Variants in KIF21A observed in about 807,000 individuals in gnomAD.
KIF21A encodes kinesin-like protein KIF21A.
Under a neutral mutation model 202.9 loss-of-function variants are expected in KIF21A, and 114 were observed. The observed-to-expected ratio is 0.56, with a 90% confidence interval of 0.48 to 0.66. KIF21A has a LOEUF of 0.66. Ranked by LOEUF, KIF21A falls within the 30% of genes least tolerant of loss-of-function variation. The pLI is 0.00. For missense variants in KIF21A, 1,677 were observed against 1,994.9 expected, an observed-to-expected ratio of 0.84 and a Z score of 3.04; for synonymous variants, 667 against 670.8, an observed-to-expected ratio of 0.99 and a Z score of 0.09.
Position 39,309,608 on chromosome 12 carries a change from C to T in KIF21A, c.4255G>A (p.Ala1419Thr), listed in dbSNP as rs974476147. The T allele has an allele frequency of 3.1e-6, 5 of 1,611,520 alleles. No individual in the cohort carries two copies. Among genetic ancestry groups the T allele is most frequent in the Non-Finnish European group, 4.2e-6 (5 of 1,179,216 alleles). Residue 1419 changes from alanine (A) to threonine (T), a missense_variant, in exon 33 of 38, where the codon GCA (alanine) becomes ACA (threonine). Around this residue, in one of 3 missense-constraint regions of KIF21A, gnomAD observed 705 missense variants for 791.9 expected, o/e 0.89. Coordinates refer to ENST00000361418, the MANE Select transcript of KIF21A (RefSeq NM_001173464.2). ...TACGTTAGTGTTCGAATGCACTTTGCTGAATCTCTGATATCCCACACCTTA... is the reference window on the plus strand; with the variant it reads ...TACGTTAGTGTTCGAATGCACTTTGTTGAATCTCTGATATCCCACACCTTA... The part of the protein sequence containing the change: ...YIKVWDIRDS[A>T]KCIRTLTSSG...
chr12:39,404,408 C>T (rs1057260653), intron 1 of KIF21A, among the ~76,000 whole-genome samples: 1 of 152,154 alleles, frequency 6.6e-6, no homozygotes, highest in Non-Finnish European at 1.5e-5. Context: ...ATAATTACTG[C>T]ATTTTCCAGC....
chr12:39,336,524 G>T (rs1416863643), intron 17 of KIF21A, among the ~76,000 whole-genome samples: 1 of 152,042 alleles, frequency 6.6e-6, no homozygotes, highest in Non-Finnish European at 1.5e-5. Flanking sequence ...CCTACTGTCA[G>T]GGATCTTGGT....
intron 24 of KIF21A, among the ~76,000 whole-genome samples, chr12:39,329,339 A>G (rs1946284706): frequency 6.6e-6 from 1 of 152,186 alleles, no homozygotes; most frequent in Non-Finnish European, 1.5e-5. Flanking sequence ...CAAATTAGCA[A>G]TTTAATATTC....
chr12:39,363,140 G>A lies in KIF21A; in HGVS notation c.977C>T (p.Ser326Phe). The A allele has an allele frequency of 6.2e-7, 1 of 1,613,244 alleles. No homozygotes were observed. The highest frequency in any genetic ancestry group is 8.5e-7 in the Non-Finnish European group (1 of 1,179,402). The change falls in exon 7 of 38, where the codon TCC becomes TTC. Residue 326 changes from serine to phenylalanine, a missense_variant. This residue lies in a region of KIF21A where 966 missense variants were observed against 1,180.9 expected (regional missense o/e 0.82). Transcript: ENST00000361418. ...KRATHVPYRD[S>F]KLTRLLQDSL... The stretch of plus-strand genomic sequence containing the variant: ...ATCCTGTAGTAGTCTTGTTAGCTTG[G>A]AATCTCTATAGGGGACATGTGTGGC...
chr12:39,335,708 A>C (rs1946905751), intron 17 of KIF21A, among the ~76,000 whole-genome samples: 1 of 152,232 alleles, frequency 6.6e-6, no homozygotes, highest in African/African-American at 2.4e-5. Flanking sequence ...AATAACAAAA[A>C]AAGAATAGGC....
At chr12:39,429,255 CAG>C in intron 1 of KIF21A, among the ~76,000 whole-genome samples, 1 of 152,266 alleles carries the variant, frequency 6.6e-6, no homozygotes, top group South Asian at 2.1e-4. Context: ...CACATACCAA[CAG>C]AGAACAAAGA....
At chr12:39,298,606 G>A (rs1216065890) in intron 37 of KIF21A, among the ~76,000 whole-genome samples, 1 of 152,092 alleles carries the variant, frequency 6.6e-6, no homozygotes, top group Non-Finnish European at 1.5e-5. Context: ...TTAAAAACAA[G>A]TGTTAAAAAC....
At position 39,442,960 on chromosome 12, in the gene KIF21A, G is replaced by A. The variant is rs901772088; in HGVS notation, c.11C>T (p.Ala4Val). MLG[A>V]PDESSVRVAV... ...CACCCGCACGGAGCTCTCGTCCGGG[G>A]CGCCCAACATGCTGGCGGCGGGCAG... The change falls in exon 1 of 38, where the codon GCC becomes GTC. Residue 4 changes from alanine to valine, a missense_variant. Ala to Val is a moderately conservative substitution (Grantham distance 64, BLOSUM62 0). Around this residue, in one of 3 missense-constraint regions of KIF21A, gnomAD observed 966 missense variants for 1,180.9 expected, o/e 0.82. Transcript: ENST00000361418. The surrounding 1 kb of genome is among the most constrained non-coding windows in gnomAD (Gnocchi z 5.0). 5 of 1,522,598 alleles carry A rather than the reference G, an allele frequency of 3.3e-6. No homozygotes were observed. The African/African-American group carries it at 4.3e-5, about 13-fold the overall frequency. 94.3% of individuals were successfully genotyped at this position (1,522,598 alleles called of 1,614,324 possible). A position where few individuals can be genotyped will look rare whatever the true frequency, so the allele number is the denominator to read the frequency against.
At chr12:39,413,835 A>G (rs1246962165) in intron 1 of KIF21A, among the ~76,000 whole-genome samples, 1 of 152,192 alleles carries the variant, frequency 6.6e-6, no homozygotes, top group Non-Finnish European at 1.5e-5. Context: ...CCATAATAAG[A>G]TGACCATCAA....
At chr12:39,315,811 T>C (rs773114487) in intron 30 of KIF21A, 121 bp downstream of exon 30, 2 of 788,586 alleles carry the variant, frequency 2.5e-6, no homozygotes, top group Admixed American at 1.7e-5. Context: ...TATTAGTGCA[T>C]TTATATGATT....
chr12:39,398,809 T>G (rs1042703842), intron 1 of KIF21A, among the ~76,000 whole-genome samples: 3 of 152,146 alleles, frequency 2.0e-5, no homozygotes, highest in African/African-American at 7.2e-5. Flanking sequence ...AAAGGGAAAT[T>G]CAGTCAGCCC....
chr12:39,357,717 C>G (rs1171755322), intron 8 of KIF21A, among the ~76,000 whole-genome samples: 1 of 151,540 alleles, frequency 6.6e-6, no homozygotes, highest in Non-Finnish European at 1.5e-5. Flanking sequence ...CAAGACCAGC[C>G]TGGCCAACGT....
intron 10 of KIF21A, among the ~76,000 whole-genome samples, chr12:39,355,707 T>TATATATATATATATATATATATATATATA (rs1948718369): frequency 9.9e-6 from 1 of 101,238 alleles, no homozygotes; most frequent in Admixed American, 9.3e-5. Context: ...GCATGAACAA[T>TATATATATATATATATATATATATATATA]TATATATATA....
At chr12:39,359,476 A>G (rs976408565) in intron 7 of KIF21A, among the ~76,000 whole-genome samples, 7 of 152,230 alleles carry the variant, frequency 4.6e-5, no homozygotes, top group African/African-American at 7.2e-5. Flanking sequence ...CATACTTCTA[A>G]ACATATAACA....
At chr12:39,361,358 A>G (rs899932943) in intron 7 of KIF21A, among the ~76,000 whole-genome samples, 1 of 152,178 alleles carries the variant, frequency 6.6e-6, no homozygotes, top group Admixed American at 6.5e-5. Flanking sequence ...CTGAAGATCA[A>G]ACTGAAAATA....
At chr12:39,407,353 T>C (rs115713240) in intron 1 of KIF21A, among the ~76,000 whole-genome samples, 297 of 152,344 alleles carry the variant, frequency 1.9e-3, no homozygotes, top group African/African-American at 7.0e-3. Context: ...AATATCCTTT[T>C]TGACAATCTC....
chr12:39,346,384 T>C, intron 12 of KIF21A, 82 bp downstream of exon 12: 2 of 995,826 alleles, frequency 2.0e-6, no homozygotes, highest in East Asian at 3.0e-5. Context: ...AAACAATCTA[T>C]AATACTATAA....
At chr12:39,320,136 G>A in intron 27 of KIF21A, 123 bp from the exon 28 acceptor site, 3 of 626,984 alleles carry the variant, frequency 4.8e-6, no homozygotes, top group African/African-American at 1.9e-5. Context: ...TATTACTTGA[G>A]AACAAAAAAT....
intron 1 of KIF21A, among the ~76,000 whole-genome samples, chr12:39,430,016 T>C (rs1320142371): frequency 6.6e-6 from 1 of 152,056 alleles, no homozygotes; most frequent in Non-Finnish European, 1.5e-5. Context: ...AAAAGTTAAG[T>C]GGCCATCCGA....
Sources: allele counts gnomAD v4.1 joint callset (sites outside exome capture counted in the v4.1 genomes callset), GRCh38; gene constraint gnomAD v4.1.1; regional missense constraint gnomAD v4.1.1; non-coding constraint Gnocchi (gnomAD v3.1); transcripts MANE v1.5; gene names NCBI Gene and HGNC (gene_info 2026-07-23, HGNC 2026-07-21).